KLHL1: variants seen among roughly 807,000 people sequenced by gnomAD.
KLHL1 encodes kelch-like protein 1.
In KLHL1, 47 loss-of-function variants were observed where a neutral mutation model predicts 77.7. That is an observed-to-expected ratio of 0.60 (90% confidence interval 0.48 to 0.77). The LOEUF is 0.77. KLHL1 is among the 30% of genes least tolerant of loss of function. The pLI, the probability that KLHL1 is intolerant of heterozygous loss-of-function variation, is 0.00. For synonymous variants in KLHL1, 360 were observed against 325.2 expected (o/e 1.11, Z -1.15); for missense variants, 925 against 910.8 (o/e 1.02, Z -0.20).
At chr13:69,954,112 A>G (rs1260620409) in intron 3 of KLHL1, among the ~76,000 whole-genome samples, 2 of 151,322 alleles carry the variant, frequency 1.3e-5, no homozygotes, top group African/African-American at 4.8e-5. Flanking sequence ...CTTAATGAGA[A>G]GCAAGAAATA....
At chr13:70,057,746 G>T (rs1886780473) in intron 1 of KLHL1, among the ~76,000 whole-genome samples, 1 of 120,086 alleles carries the variant, frequency 8.3e-6, no homozygotes, top group Non-Finnish European at 1.6e-5. Context: ...ACTGCAGTCC[G>T]CAGTCCGGCC....
intron 1 of KLHL1, among the ~76,000 whole-genome samples, chr13:70,068,137 C>G (rs1452998538): frequency 6.6e-6 from 1 of 150,898 alleles, no homozygotes; most frequent in Non-Finnish European, 1.5e-5. Flanking sequence ...GTCAGGAGAT[C>G]GAGACCATCC....
At chr13:69,927,641 A>G (rs1227625408) in intron 4 of KLHL1, among the ~76,000 whole-genome samples, 1 of 152,228 alleles carries the variant, frequency 6.6e-6, no homozygotes, top group East Asian at 1.9e-4. Flanking sequence ...TGTCCAATAA[A>G]TTCACAAAAA....
At chr13:70,016,614 C>G (rs148213516) in intron 1 of KLHL1, among the ~76,000 whole-genome samples, 1 of 152,192 alleles carries the variant, frequency 6.6e-6, no homozygotes, top group African/African-American at 2.4e-5. Flanking sequence ...TTTTGGGCAC[C>G]GATGAGGATC....
At chr13:69,884,492 C>T (rs1338130877) in intron 4 of KLHL1, among the ~76,000 whole-genome samples, 1 of 151,068 alleles carries the variant, frequency 6.6e-6, no homozygotes, top group Non-Finnish European at 1.5e-5. Context: ...AAAGATTTGT[C>T]CACCTGTTTT....
chr13:70,040,371 T>C (rs1886346011), intron 1 of KLHL1, among the ~76,000 whole-genome samples: 1 of 152,148 alleles, frequency 6.6e-6, no homozygotes, highest in Admixed American at 6.5e-5. Context: ...ACTACTTGGG[T>C]GTCAGGATCA....
In KLHL1 at chr13:69,701,123, C is replaced by T. The variant is rs41283970; in HGVS notation, c.*579G>A. ...TTTGATTAGTAGGACAGTTTGTTTTCTGAATGCAAGATACAAGCATGAATC... is the reference window on the plus strand; with the variant it reads ...TTTGATTAGTAGGACAGTTTGTTTTTTGAATGCAAGATACAAGCATGAATC... On this transcript the variant is annotated 3_prime_UTR_variant, in exon 11 of 11. Transcript: ENST00000377844. The T allele has an allele frequency of 0.12, 17,672 of 152,200 alleles. 1,704 individuals are homozygous for T. Among genetic ancestry groups the T allele is most frequent in the African/African-American group, 0.27 (11,082 of 41,456 alleles). The allele number at this position is 152,200 out of a possible 1,614,324, so 9.4% of individuals were successfully genotyped here.
At chr13:69,895,204 T>C (rs1881585981) in intron 4 of KLHL1, 2 of 501,908 alleles carry the variant, frequency 4.0e-6, no homozygotes, top group Non-Finnish European at 7.9e-6. Flanking sequence ...GCACTGAATG[T>C]GAGGTGTTAC....
chr13:69,803,176 T>A (rs1877467237), intron 6 of KLHL1: 2 of 152,162 alleles, frequency 1.3e-5, no homozygotes, highest in South Asian at 4.1e-4. Context: ...TAGGGAGTTT[T>A]AAATAAGATA....
intron 4 of KLHL1, among the ~76,000 whole-genome samples, chr13:69,890,794 T>C (rs1881400439): frequency 6.6e-6 from 1 of 152,042 alleles, no homozygotes; most frequent in Non-Finnish European, 1.5e-5. Flanking sequence ...TATATATGTC[T>C]GTGAATATAC....
intron 1 of KLHL1, among the ~76,000 whole-genome samples, chr13:70,041,759 C>T (rs1450425002): frequency 6.6e-6 from 1 of 152,002 alleles, no homozygotes; most frequent in Non-Finnish European, 1.5e-5. Context: ...TCCAGGTTTC[C>T]CACATGGTCT....
At chr13:69,956,736 T>G (rs1883899970) in intron 3 of KLHL1, among the ~76,000 whole-genome samples, 1 of 151,596 alleles carries the variant, frequency 6.6e-6, no homozygotes, top group Admixed American at 6.6e-5. Flanking sequence ...TTAGAGGCTT[T>G]GAATATATAA....
chr13:70,035,047 A>G (rs1886204969), intron 1 of KLHL1, among the ~76,000 whole-genome samples: 1 of 152,132 alleles, frequency 6.6e-6, no homozygotes, highest in African/African-American at 2.4e-5. Flanking sequence ...TCTTGGCATC[A>G]TAACTAAATA....
At chr13:69,813,383 T>C (rs2138065875) in intron 6 of KLHL1, among the ~76,000 whole-genome samples, 1 of 150,700 alleles carries the variant, frequency 6.6e-6, no homozygotes, top group East Asian at 2.0e-4. Context: ...AAATAACGAG[T>C]TAATGGGTAC....
intron 7 of KLHL1, among the ~76,000 whole-genome samples, chr13:69,751,343 G>A (rs536787956): frequency 2.4e-4 from 37 of 152,056 alleles, no homozygotes; most frequent in Admixed American, 7.2e-4. Flanking sequence ...CACAGAACGC[G>A]TACAGGTGGA....
At chr13:69,975,260 A>T (rs1190411620) in intron 2 of KLHL1, among the ~76,000 whole-genome samples, 1 of 152,070 alleles carries the variant, frequency 6.6e-6, no homozygotes, top group African/African-American at 2.4e-5. Context: ...TTCAGATTTT[A>T]GGCACAATTC....
intron 7 of KLHL1, among the ~76,000 whole-genome samples, chr13:69,779,657 T>A: frequency 6.6e-6 from 1 of 152,142 alleles, no homozygotes; most frequent in South Asian, 2.1e-4. Flanking sequence ...TATGTCTATA[T>A]CTTTATCAAA....
intron 1 of KLHL1, among the ~76,000 whole-genome samples, chr13:70,048,056 G>A (rs1237790820): frequency 6.6e-6 from 1 of 152,120 alleles, no homozygotes; most frequent in Non-Finnish European, 1.5e-5. Flanking sequence ...TGGGACTTTA[G>A]CTCTTAATCA....
chr13:69,822,889 A>G (rs867139931), intron 6 of KLHL1, among the ~76,000 whole-genome samples: 11 of 152,178 alleles, frequency 7.2e-5, no homozygotes, highest in African/African-American at 1.4e-4. Context: ...GCTAATAAAT[A>G]TAGTGGGTTT....
Sources: allele counts gnomAD v4.1 joint callset (sites outside exome capture counted in the v4.1 genomes callset), GRCh38; gene constraint gnomAD v4.1.1; transcripts MANE v1.5; gene names NCBI Gene and HGNC (gene_info 2026-07-23, HGNC 2026-07-21).